Variants in CACNB1 observed in about 807,000 individuals in gnomAD.
CACNB1 encodes the protein calcium voltage-gated channel auxiliary subunit beta 1.
A neutral mutation model predicts 71.6 loss-of-function variants in CACNB1; 29 were observed. That is an observed-to-expected ratio of 0.40 (90% confidence interval 0.30 to 0.55). The LOEUF (loss-of-function observed/expected upper bound fraction) is 0.55. CACNB1 is among the 20% of genes least tolerant of loss of function. CACNB1 has a pLI of 0.38. For missense variants in CACNB1, 623 were observed against 801.8 expected, an observed-to-expected ratio of 0.78 and a Z score of 2.69; for synonymous variants, 300 against 319.6, an observed-to-expected ratio of 0.94 and a Z score of 0.65.
chr17:39,175,504 G>A lies in CACNB1; in HGVS notation c.1486C>T (p.Arg496Cys), dbSNP rs368695609. The change falls in exon 14 of 14, where the codon CGC becomes TGC. Residue 496 changes from arginine (R) to cysteine (C), a missense_variant. By Grantham distance (180) the Arg-to-Cys change is radical. Transcript: ENST00000394303. This position sits in a 1 kb window ranked among gnomAD's most constrained non-coding sequence, Gnocchi z 4.7. ...GTGTCGGCATCAAAAGTGTCTTGGC[G>A]GGACAGTGCCCGTAGCGTGCCTGCC... ...GRAGTLRALS[R>C]QDTFDADTPG... is the part of the protein sequence containing the mutation. 62 of 1,613,858 alleles carry A rather than the reference G, an allele frequency of 3.8e-5. No homozygotes were observed. Among genetic ancestry groups the A allele is most frequent in the Non-Finnish European group, 4.7e-5 (55 of 1,180,034 alleles).
chr17:39,192,897 AG>A (rs2046114701), intron 2 of CACNB1: 1 of 152,490 alleles, frequency 6.6e-6, no homozygotes, highest in African/African-American at 2.4e-5. Flanking sequence ...CACTAACAGA[AG>A]TGGGGAAAGA....
At chr17:39,184,705 G>C (rs927620405) in intron 8 of CACNB1, 79 bp downstream of exon 8, 13 of 1,029,910 alleles carry the variant, frequency 1.3e-5, no homozygotes, top group Non-Finnish European at 1.8e-5. Context: ...TTGGGATCGG[G>C]CCCTTCTAGG....
Position 39,175,901 on chromosome 17 carries a change from C to T in CACNB1, c.1333-244G>A, listed in dbSNP as rs1680271335. 6.6e-6 allele frequency among the ~76,000 whole-genome samples: 1 copy of T among 152,182 alleles called. No individual in the cohort carries two copies. Among genetic ancestry groups the T allele is most frequent in the African/African-American group, 2.4e-5 (1 of 41,442 alleles). Reference sequence around the variant, plus strand: ...TTCAACAGATGTGAGGACATATGAACTCTCAGGGCAACTATGGCCAACAGC... The same window carrying T: ...TTCAACAGATGTGAGGACATATGAATTCTCAGGGCAACTATGGCCAACAGC... On this transcript the variant is annotated intron_variant, in intron 13 of 13. Transcript: ENST00000394303. The surrounding 1 kb of genome is among the most constrained non-coding windows in gnomAD (Gnocchi z 4.7).
intron 1 of CACNB1, among the ~76,000 whole-genome samples, chr17:39,196,224 C>G (rs773785182): frequency 3.9e-5 from 6 of 152,088 alleles, no homozygotes; most frequent in Non-Finnish European, 8.8e-5. Flanking sequence ...GGGACCTTTC[C>G]AAGATCCTCC....
intron 12 of CACNB1, 48 bp from the exon 13 acceptor site, chr17:39,177,583 C>G: frequency 6.7e-7 from 1 of 1,492,576 alleles, no homozygotes; most frequent in Non-Finnish European, 9.1e-7. Context: ...TGGGGCATGG[C>G]CAAGGGGGTT....
Position 39,175,795 on chromosome 17 carries a change from G to A in CACNB1, c.1333-138C>T, listed in dbSNP as rs2045562883. ...GTGCTGGCTCTAGAGGAGGGGCCCC[G>A]GGGACAAACGGCTCTGGAGCCCAGC... On this transcript the variant is annotated intron_variant, in intron 13 of 13. Transcript: ENST00000394303. This position sits in a 1 kb window ranked among gnomAD's most constrained non-coding sequence, Gnocchi z 4.7. 3 of 675,452 alleles carry A rather than the reference G, an allele frequency of 4.4e-6. No individual in the cohort carries two copies. The highest frequency in any genetic ancestry group is 2.8e-5 in the East Asian group (1 of 36,018). 41.8% of individuals were successfully genotyped at this position (675,452 alleles called of 1,614,324 possible).
chr17:39,178,597 G>A (rs1273440078), intron 11 of CACNB1, among the ~76,000 whole-genome samples: 2 of 151,860 alleles, frequency 1.3e-5, no homozygotes, highest in Non-Finnish European at 2.9e-5. Context: ...TGCCCAGGCT[G>A]GTCTGAAACT....
At position 39,175,193 on chromosome 17, in the gene CACNB1, T is replaced by C. The variant is rs1205464996; in HGVS notation, c.1797A>G (p.Ter599TrpextTer12). ...EGWGRGVYIR* is the reference protein window; with the variant it reads ...EGWGRGVYIRW ...CCTCCCGCCGTGTGGCCCCTGCCTC[T>C]CAGCGAATGTAGACGCCTCGTCCCC... is the stretch of plus-strand genomic sequence containing the variant. The change falls in exon 14 of 14, where the codon TGA (stop) becomes TGG (tryptophan). Residue 599 changes from the stop codon to tryptophan (W), a stop_lost. Transcript: ENST00000394303. The surrounding 1 kb of genome is among the most constrained non-coding windows in gnomAD (Gnocchi z 4.7). 2 of 1,605,564 alleles carry C rather than the reference T, an allele frequency of 1.2e-6. No homozygotes were observed. Among genetic ancestry groups the C allele is most frequent in the Non-Finnish European group, 1.7e-6 (2 of 1,174,848 alleles).
At chr17:39,177,960 C>T (rs748055283) in intron 12 of CACNB1, 24 bp downstream of exon 12, 2 of 1,573,470 alleles carry the variant, frequency 1.3e-6, no homozygotes, top group African/African-American at 2.7e-5. Flanking sequence ...CCTCCATTCC[C>T]TTCCCTGGGA....
At chr17:39,177,307 C>G in intron 13 of CACNB1, 43 bp downstream of exon 13, 1 of 1,611,532 alleles carries the variant, frequency 6.2e-7, no homozygotes, top group Non-Finnish European at 8.5e-7. Context: ...TCCAGCCCGC[C>G]CCAGAAGCCG....
intron 11 of CACNB1, among the ~76,000 whole-genome samples, chr17:39,179,934 T>C (rs527987884): frequency 6.7e-6 from 1 of 150,276 alleles, no homozygotes; most frequent in South Asian, 2.1e-4. Context: ...CAAGTGATCC[T>C]GGGTTGGTTC....
chr17:39,193,381 G>A, intron 2 of CACNB1: 1 of 400,810 alleles, frequency 2.5e-6, no homozygotes, highest in Non-Finnish European at 5.1e-6. Flanking sequence ...TGGAGTAAAG[G>A]CTGCCCTCCG....
In CACNB1 at chr17:39,175,541, G is replaced by A. The variant is rs199954547; in HGVS notation, c.1449C>T (p.His483=). The part of the protein sequence containing the change: ...GQPPGLYPSS[H]PPGRAGTLRA... ...GTAGCGTGCCTGCCCGGCCTGGTGG[G>A]TGGCTGCTGGGGTAAAGGCCTGGGG... The change falls in exon 14 of 14, where the codon CAC becomes CAT. Residue 483 remains histidine, a synonymous_variant. Coordinates refer to ENST00000394303, the MANE Select transcript of CACNB1 (RefSeq NM_000723.5). This position sits in a 1 kb window ranked among gnomAD's most constrained non-coding sequence, Gnocchi z 4.7. The A allele has an allele frequency of 1.9e-6, 3 of 1,613,836 alleles. No homozygotes were observed. The highest frequency in any genetic ancestry group is 2.5e-6 in the Non-Finnish European group (3 of 1,179,968).
intron 2 of CACNB1, 103 bp from the exon 3 acceptor site, chr17:39,191,696 G>T: frequency 1.7e-6 from 2 of 1,202,306 alleles, no homozygotes; most frequent in Non-Finnish European, 2.3e-6. Flanking sequence ...TCGAGCCCCA[G>T]CCAGCCCAGC....
Position 39,174,915 on chromosome 17 carries a change from G to A in CACNB1, c.*278C>T, listed in dbSNP as rs1361055306. The A allele has an allele frequency of 4.3e-6, 2 of 461,324 alleles. No homozygotes were observed. Among genetic ancestry groups the A allele is most frequent in the Non-Finnish European group, 3.9e-6 (1 of 258,722 alleles). The allele number at this position is 461,324 out of a possible 1,614,324, so 28.6% of individuals were successfully genotyped here. On this transcript the variant is annotated 3_prime_UTR_variant, in exon 14 of 14. Transcript: ENST00000394303. ...GTGCACCTTTTCTCTAGGAGGGTGAGGGAGGAGAGCCCCTTAAGATGGGAG... is the reference window on the plus strand; with the variant it reads ...GTGCACCTTTTCTCTAGGAGGGTGAAGGAGGAGAGCCCCTTAAGATGGGAG...
In CACNB1 at chr17:39,183,907, C is replaced by T. The variant is rs747642194; in HGVS notation, c.899-43G>A. On this transcript the variant is annotated intron_variant, in intron 10 of 13. Coordinates refer to ENST00000394303, the MANE Select transcript of CACNB1 (RefSeq NM_000723.5). ...TGTGGATGGGGGAATGTCAGGTGGC[C>T]TCCCAGGAACAGCAGGTGGAGGGAA... The T allele has an allele frequency of 4.4e-6, 7 of 1,597,694 alleles. No individual in the cohort carries two copies. The Admixed American group carries it at 1.0e-4, about 23-fold the overall frequency.
At chr17:39,177,877 C>G in intron 12 of CACNB1, 107 bp downstream of exon 12, 1 of 897,502 alleles carries the variant, frequency 1.1e-6, no homozygotes, top group East Asian at 2.4e-5. Flanking sequence ...CACCCACAGG[C>G]CTGACCCAGG....
At position 39,194,099 on chromosome 17, in the gene CACNB1, C is replaced by T. The variant is rs2046152335; in HGVS notation, c.171+785G>A. Among the ~76,000 whole-genome samples, 1 of 152,136 alleles carries T rather than the reference C, an allele frequency of 6.6e-6. No homozygotes were observed. The highest frequency in any genetic ancestry group is 1.5e-5 in the Non-Finnish European group (1 of 68,032). On this transcript the variant is annotated intron_variant, in intron 2 of 13. Transcript: ENST00000394303. This position sits in a 1 kb window ranked among gnomAD's most constrained non-coding sequence, Gnocchi z 4.6. The stretch of plus-strand genomic sequence containing the variant: ...TGCCCTGCCCATTTCCTCTTCAATA[C>T]ACGCCTTTTCCTTGTCTAATCCCAA...
At chr17:39,178,116 G>A (rs776280319) in intron 11 of CACNB1, 37 bp from the exon 12 acceptor site, 50 of 1,516,690 alleles carry the variant, frequency 3.3e-5, no homozygotes, top group Non-Finnish European at 4.2e-5. Flanking sequence ...AGGAGCTAGA[G>A]GGACTCAGGC....
Sources: allele counts gnomAD v4.1 joint callset (sites outside exome capture counted in the v4.1 genomes callset), GRCh38; gene constraint gnomAD v4.1.1; non-coding constraint Gnocchi (gnomAD v3.1); transcripts MANE v1.5; gene names NCBI Gene and HGNC (gene_info 2026-07-23, HGNC 2026-07-21).